Variants in ROBO1 observed in about 807,000 individuals in gnomAD.
The protein encoded by ROBO1 is roundabout guidance receptor 1, also known as roundabout homolog 1.
ROBO1 carries 149 observed loss-of-function variants against 195.9 expected under a neutral mutation model. The observed-to-expected ratio is 0.76, with a 90% CI of 0.67 to 0.87. The LOEUF (loss-of-function observed/expected upper bound fraction) is 0.87, where lower values mean the gene tolerates loss of function less well. Ranked by LOEUF, ROBO1 falls within the 40% of genes least tolerant of loss-of-function variation. ROBO1 has a pLI of 0.00. For missense variants in ROBO1, 1,933 were observed against 2,068.3 expected (o/e 0.93, Z 1.27); for synonymous variants, 816 against 733.2 (o/e 1.11, Z -1.82).
intron 3 of ROBO1, among the ~76,000 whole-genome samples, chr3:78,972,217 T>C (rs1274008312): frequency 6.6e-6 from 1 of 152,192 alleles, no homozygotes; most frequent in Non-Finnish European, 1.5e-5. Context: ...ACTTCTTGCA[T>C]GAACAAAGGG....
chr3:79,125,508 G>A lies in ROBO1; in HGVS notation c.120C>T (p.His40=), dbSNP rs565549416. 3.1e-6 allele frequency: 5 copies of A among 1,613,530 alleles called. No homozygotes were observed. The highest frequency in any genetic ancestry group is 2.2e-5 in the East Asian group (1 of 44,848). The part of the protein sequence containing the change: ...DPEDVERGND[H]GTPIPTSDND... ...TATCAGAGGTGGGGATTGGCGTCCC[G>A]TGGTCGTTCCCCCTCTCTACATCTT... The change falls in exon 3 of 31, where the codon CAC becomes CAT. Residue 40 remains histidine (H), a synonymous_variant. Coordinates refer to ENST00000464233, the MANE Select transcript of ROBO1 (RefSeq NM_002941.4).
chr3:78,746,682 T>C, intron 5 of ROBO1, 61 bp downstream of exon 5: 1 of 1,293,284 alleles, frequency 7.7e-7, no homozygotes, highest in Non-Finnish European at 1.0e-6. Context: ...TCTTTTTTCT[T>C]TGGTAAAGAT....
intron 4 of ROBO1, among the ~76,000 whole-genome samples, chr3:78,770,513 A>G (rs1253374536): frequency 6.6e-6 from 1 of 152,186 alleles, no homozygotes; most frequent in Admixed American, 6.5e-5. Context: ...CTCCTTATAG[A>G]TTCTGAATAC....
chr3:78,994,146 A>G (rs1470589504), intron 3 of ROBO1, among the ~76,000 whole-genome samples: 1 of 152,196 alleles, frequency 6.6e-6, no homozygotes, highest in Non-Finnish European at 1.5e-5. Flanking sequence ...GATACAGAAC[A>G]GAGTTTTAAA....
At chr3:78,884,617 GAA>G (rs1203116567) in intron 4 of ROBO1, among the ~76,000 whole-genome samples, 13 of 126,420 alleles carry the variant, frequency 1.0e-4, no homozygotes, top group Non-Finnish European at 1.3e-4. Flanking sequence ...AAGAGAGAAA[GAA>G]AGAGAGAAAG....
rs115853693 is a variant in ROBO1 at position 78,757,376 on chromosome 3, A to C, written c.500-10476T>G. The stretch of plus-strand genomic sequence containing the variant: ...ACACATATCTTTTAAGTGCCTGAAA[A>C]AGACTAGAGTGTTTTCTAATTTAAA... On this transcript the variant is annotated intron_variant, in intron 4 of 30. Transcript: ENST00000464233. Among the ~76,000 whole-genome samples the C allele has an allele frequency of 4.8e-3, 737 of 152,214 alleles. 6 individuals are homozygous for C. Among genetic ancestry groups the C allele is most frequent in the African/African-American group, 0.017 (707 of 41,530 alleles).
intron 2 of ROBO1, among the ~76,000 whole-genome samples, chr3:79,555,543 A>G (rs1254794760): frequency 4.6e-5 from 7 of 152,150 alleles, no homozygotes; most frequent in Non-Finnish European, 7.4e-5. Flanking sequence ...AAATTCTGGT[A>G]GTAACATAAA....
At chr3:78,620,842 T>C (rs1409914104) in intron 26 of ROBO1, among the ~76,000 whole-genome samples, 1 of 150,166 alleles carries the variant, frequency 6.7e-6, no homozygotes, top group Non-Finnish European at 1.5e-5. Context: ...GGGCATGACC[T>C]TCCACACACA....
intron 2 of ROBO1, among the ~76,000 whole-genome samples, chr3:79,354,996 C>T (rs2035486036): frequency 6.6e-6 from 1 of 151,866 alleles, no homozygotes; most frequent in African/African-American, 2.4e-5. Context: ...TGAAACCCCA[C>T]GTCTACTAAG....
At chr3:78,769,021 T>C (rs1003091099) in intron 4 of ROBO1, among the ~76,000 whole-genome samples, 4 of 152,146 alleles carry the variant, frequency 2.6e-5, no homozygotes, top group Non-Finnish European at 5.9e-5. Context: ...CATGGGCTGT[T>C]GAATGCGTAT....
In ROBO1 at chr3:78,729,108, T is replaced by C. The variant is rs1049731181; in HGVS notation, c.658-11225A>G. The stretch of plus-strand genomic sequence containing the variant: ...CCGCCTAGGACTCTGGCAGCTGCAC[T>C]TCTCTGCTATTTCCATTTCTCCTCC... On this transcript the variant is annotated intron_variant, in intron 5 of 30. Transcript: ENST00000464233. 7.9e-5 allele frequency among the ~76,000 whole-genome samples: 12 copies of C among 152,318 alleles called. No homozygotes were observed. The East Asian group carries it at 2.3e-3, about 30-fold the overall frequency.
intron 2 of ROBO1, among the ~76,000 whole-genome samples, chr3:79,485,052 G>A (rs889852775): frequency 5.9e-5 from 9 of 151,782 alleles, no homozygotes; most frequent in Non-Finnish European, 1.0e-4. Flanking sequence ...ATGCCCAGCC[G>A]ACTATCTTTA....
chr3:79,160,977 G>A (rs904694523), intron 2 of ROBO1, among the ~76,000 whole-genome samples: 5 of 152,012 alleles, frequency 3.3e-5, no homozygotes, highest in Admixed American at 1.3e-4. Flanking sequence ...ATAATTTTCC[G>A]AGTTTAATAA....
intron 3 of ROBO1, among the ~76,000 whole-genome samples, chr3:79,099,902 C>T (rs913867688): frequency 1.3e-5 from 2 of 151,766 alleles, no homozygotes; most frequent in Non-Finnish European, 2.9e-5. Context: ...ATTATATCCT[C>T]TGCAGAGGCC....
In ROBO1 at chr3:78,924,100, CATT is replaced by C. The variant is rs570284178; in HGVS notation, c.499+14498_499+14500del. On this transcript the variant is annotated intron_variant, in intron 4 of 30. Transcript: ENST00000464233. ...AAGTATGTATACATACACATACACA[CATT>C]ATAAAACATGATGTATAGCTATGAG... Among the ~76,000 whole-genome samples the C allele has an allele frequency of 2.0e-4, 30 of 151,558 alleles. No homozygotes were observed. In the South Asian group the frequency reaches 5.4e-3, roughly 28 times the overall value.
At chr3:78,720,393 G>C (rs1378801787) in intron 5 of ROBO1, among the ~76,000 whole-genome samples, 3 of 152,188 alleles carry the variant, frequency 2.0e-5, no homozygotes, top group Admixed American at 6.5e-5. Flanking sequence ...ACCACAATGA[G>C]ATACCATCTC....
intron 2 of ROBO1, among the ~76,000 whole-genome samples, chr3:79,388,934 G>A (rs1412549842): frequency 1.3e-5 from 2 of 151,896 alleles, no homozygotes; most frequent in South Asian, 2.1e-4. Context: ...TAAAAACAAC[G>A]TATTTGTTAA....
At chr3:79,178,335 A>G (rs1216351547) in intron 2 of ROBO1, among the ~76,000 whole-genome samples, 1 of 152,234 alleles carries the variant, frequency 6.6e-6, no homozygotes, top group Non-Finnish European at 1.5e-5. Flanking sequence ...ATTCTGTAAA[A>G]GCCTTATAAG....
chr3:79,127,992 A>AT (rs747234076), intron 2 of ROBO1, among the ~76,000 whole-genome samples: 2 of 152,064 alleles, frequency 1.3e-5, no homozygotes, highest in African/African-American at 2.4e-5. Flanking sequence ...TGCTTTGCTA[A>AT]TTTTTTTCTT....
Sources: gnomAD v4.1 joint callset for allele counts (sites outside exome capture counted in the v4.1 genomes callset) on GRCh38, gnomAD v4.1.1 for gene constraint, MANE v1.5 for transcripts, NCBI Gene and HGNC (gene_info 2026-07-23, HGNC 2026-07-21) for gene names.